Variants in QRFPR observed in about 807,000 individuals in gnomAD.
QRFPR encodes pyroglutamylated RFamide peptide receptor.
In QRFPR, 37 loss-of-function variants were observed where a neutral mutation model predicts 31.3. That is an observed-to-expected ratio of 1.18 (90% CI 0.91 to 1.56). The LOEUF is 1.56. Ranked by LOEUF, QRFPR falls within the 40% of genes most tolerant of loss-of-function variation. QRFPR has a pLI of 0.00. For missense variants in QRFPR, 542 were observed against 532.5 expected (o/e 1.02, Z -0.18); for synonymous variants, 197 against 192.0 (o/e 1.03, Z -0.22).
intron 1 of QRFPR, among the ~76,000 whole-genome samples, chr4:121,342,249 G>A (rs536249893): frequency 3.3e-5 from 5 of 152,168 alleles, no homozygotes; most frequent in Middle Eastern, 3.4e-3. Flanking sequence ...CTCAGACTGG[G>A]ACCTACACCA....
At chr4:121,350,147 G>T (rs1296349699) in intron 1 of QRFPR, among the ~76,000 whole-genome samples, 1 of 152,166 alleles carries the variant, frequency 6.6e-6, no homozygotes, top group African/African-American at 2.4e-5. Flanking sequence ...ATTTTCATTG[G>T]GTAGGGACTT....
chr4:121,370,041 G>A (rs1370807827), intron 1 of QRFPR: 1 of 772,754 alleles, frequency 1.3e-6, no homozygotes, highest in Non-Finnish European at 2.4e-6. Flanking sequence ...TGACGACATG[G>A]GTAGCTTTAG....
In QRFPR at chr4:121,354,139, G is replaced by A. The variant is rs60327373; in HGVS notation, c.341-13529C>T. ...TTGCAGTATAATTCGAAGTCAGATC[G>A]TGCGGTTTTTCCACCTTTGTTCTTT... On this transcript the variant is annotated intron_variant, in intron 1 of 5. Transcript: ENST00000394427. Among the ~76,000 whole-genome samples, 261 of 152,080 alleles carry A rather than the reference G, an allele frequency of 1.7e-3. 2 individuals carry two copies. The highest frequency in any genetic ancestry group is 0.01 in the Middle Eastern group (3 of 294).
intron 1 of QRFPR, among the ~76,000 whole-genome samples, chr4:121,354,170 C>T (rs547526089): frequency 2.1e-4 from 32 of 151,980 alleles, no homozygotes; most frequent in South Asian, 2.1e-3. Flanking sequence ...TCTTTTTGCT[C>T]GGGATGGCTT....
chr4:121,336,911 A>G, intron 2 of QRFPR, 43 bp from the exon 3 acceptor site: 1 of 1,507,576 alleles, frequency 6.6e-7, no homozygotes, highest in East Asian at 2.3e-5. Flanking sequence ...TCAGTTGAGT[A>G]AAACACATCC....
At chr4:121,337,952 G>A (rs1322968431) in intron 2 of QRFPR, among the ~76,000 whole-genome samples, 4 of 152,138 alleles carry the variant, frequency 2.6e-5, no homozygotes, top group Admixed American at 2.6e-4. Context: ...TTTCCAGCTC[G>A]AACTCTGCTT....
chr4:121,379,547 A>G (rs527562), intron 1 of QRFPR, among the ~76,000 whole-genome samples: 151,724 of 152,262 alleles, frequency 1, 75,593 homozygotes, highest in East Asian at 1. Flanking sequence ...GGATCATCTC[A>G]AGAAATATAT....
chr4:121,350,110 G>T, intron 1 of QRFPR, among the ~76,000 whole-genome samples: 1 of 152,150 alleles, frequency 6.6e-6, no homozygotes, highest in East Asian at 1.9e-4. Context: ...GCAATTTCAT[G>T]CAAGAAACAG....
At chr4:121,369,824 G>A in intron 1 of QRFPR, 2 of 1,215,732 alleles carry the variant, frequency 1.6e-6, no homozygotes, top group Non-Finnish European at 2.4e-6. Context: ...GGTGCTTGGG[G>A]TGGACAGGGC....
intron 3 of QRFPR, among the ~76,000 whole-genome samples, chr4:121,336,386 G>A (rs1225661140): frequency 6.6e-6 from 1 of 152,166 alleles, no homozygotes; most frequent in Non-Finnish European, 1.5e-5. Flanking sequence ...ATGAATAGGA[G>A]GCAGGTAAGA....
chr4:121,357,489 C>A (rs1045539500), intron 1 of QRFPR, among the ~76,000 whole-genome samples: 2 of 152,142 alleles, frequency 1.3e-5, no homozygotes, highest in Admixed American at 6.6e-5. Flanking sequence ...ACAGTAACTA[C>A]CAGTTACATT....
At chr4:121,376,574 A>G (rs1451359520) in intron 1 of QRFPR, among the ~76,000 whole-genome samples, 2 of 151,240 alleles carry the variant, frequency 1.3e-5, no homozygotes, top group Non-Finnish European at 2.9e-5. Flanking sequence ...TTTAAAAAAC[A>G]GGCCTAACTA....
intron 1 of QRFPR, among the ~76,000 whole-genome samples, chr4:121,374,344 G>A (rs1488981458): frequency 6.6e-6 from 1 of 152,150 alleles, no homozygotes; most frequent in East Asian, 1.9e-4. Flanking sequence ...GCTATATTGA[G>A]CTGGTACATG....
At chr4:121,365,563 TATTATATATAATATATATTA>T (rs1726096268) in intron 1 of QRFPR, among the ~76,000 whole-genome samples, 2 of 17,100 alleles carry the variant, frequency 1.2e-4, no homozygotes, top group Non-Finnish European at 1.7e-4. Flanking sequence ...ATATAATATA[TATTATATATAATATATATTA>T]TATATATTAT....
chr4:121,362,833 G>A (rs1429603602), intron 1 of QRFPR, among the ~76,000 whole-genome samples: 1 of 150,286 alleles, frequency 6.7e-6, no homozygotes, highest in East Asian at 2.0e-4. Flanking sequence ...TAGGATAAAA[G>A]CAAATCCAAT....
At chr4:121,372,030 G>A (rs755503917) in intron 1 of QRFPR, among the ~76,000 whole-genome samples, 24 of 152,180 alleles carry the variant, frequency 1.6e-4, no homozygotes, top group Non-Finnish European at 2.2e-4. Context: ...CTTAAACCAC[G>A]GCCAAGAAAT....
At chr4:121,340,891 T>C (rs1725531052) in intron 1 of QRFPR, among the ~76,000 whole-genome samples, 2 of 152,182 alleles carry the variant, frequency 1.3e-5, no homozygotes, top group Non-Finnish European at 2.9e-5. Flanking sequence ...AAAAAAGCAA[T>C]ATGACTTTTG....
intron 1 of QRFPR, among the ~76,000 whole-genome samples, chr4:121,351,193 A>G (rs964301376): frequency 6.6e-6 from 1 of 152,202 alleles, no homozygotes; most frequent in Non-Finnish European, 1.5e-5. Flanking sequence ...TGCTCCGTGT[A>G]CAGGTAGGAG....
chr4:121,369,560 A>T, intron 1 of QRFPR: 2 of 1,609,818 alleles, frequency 1.2e-6, no homozygotes, highest in Non-Finnish European at 8.5e-7. Context: ...ATCTTCAGCC[A>T]TTCGGTTGGC....
Sources: gnomAD v4.1 joint callset for allele counts (sites outside exome capture counted in the v4.1 genomes callset) on GRCh38, gnomAD v4.1.1 for gene constraint, MANE v1.5 for transcripts, NCBI Gene and HGNC (gene_info 2026-07-23, HGNC 2026-07-21) for gene names.